POP1: variants seen among roughly 807,000 people sequenced by gnomAD.
POP1 encodes the protein ribonucleases P/MRP protein subunit POP1.
A neutral mutation model predicts 102.2 loss-of-function variants in POP1; 75 were observed. The ratio of observed to expected loss-of-function variants is 0.73; its 90% CI spans 0.61 to 0.89. The LOEUF (loss-of-function observed/expected upper bound fraction) is 0.89, where lower values mean the gene tolerates loss of function less well. Ranked by LOEUF, POP1 falls within the 40% of genes least tolerant of loss-of-function variation. The pLI, the probability that POP1 is intolerant of heterozygous loss-of-function variation, is 0.00. For synonymous variants in POP1, 436 were observed against 464.1 expected, an observed-to-expected ratio of 0.94 and a Z score of 0.78; for missense variants, 1,116 against 1,267.4, an observed-to-expected ratio of 0.88 and a Z score of 1.81.
Position 98,148,918 on chromosome 8 carries a change from A to G in POP1, c.1814A>G (p.Lys605Arg), listed in dbSNP as rs1407631648. Residue 605 changes from lysine (K) to arginine (R), a missense_variant, in exon 13 of 16, where the codon AAA becomes AGA. Coordinates refer to ENST00000401707, the MANE Select transcript of POP1 (RefSeq NM_001145860.2). ...ATACTTTTGATTCAGCAGCCAGGAA[A>G]AGTGACTGGTGAAGATCGACTAGGC... ...IPILLIQQPG[K>R]VTGEDRLGWG... 1.2e-6 allele frequency: 2 copies of G among 1,613,998 alleles called. No homozygotes were observed. The highest frequency in any genetic ancestry group is 8.5e-7 in the Non-Finnish European group (1 of 1,179,926).
chr8:98,118,570 T>G (rs1815916661), intron 1 of POP1, among the ~76,000 whole-genome samples: 2 of 152,074 alleles, frequency 1.3e-5, no homozygotes, highest in Admixed American at 1.3e-4. Context: ...GGATTACAAG[T>G]GCACACCAGC....
Position 98,140,806 on chromosome 8 carries a change from T to C in POP1, c.1512T>C (p.Ile504=). ...CAGCAGAAATTCCGGCAGGTACTAT[T>C]CTGGGACTGACAGTTGGGGATCCTC... ...TSPAEIPAGT[I]LGLTVGDPRI... is the part of the protein sequence containing the mutation. Residue 504 remains isoleucine, a synonymous_variant, in exon 11 of 16, where the codon ATT becomes ATC. Transcript: ENST00000401707. 5 of 1,614,048 alleles carry C rather than the reference T, an allele frequency of 3.1e-6. No individual in the cohort carries two copies. Among genetic ancestry groups the C allele is most frequent in the Non-Finnish European group, 4.2e-6 (5 of 1,179,896 alleles).
chr8:98,123,593 A>C, intron 2 of POP1, 114 bp downstream of exon 2: 1 of 876,092 alleles, frequency 1.1e-6, no homozygotes, highest in Non-Finnish European at 1.8e-6. Flanking sequence ...CCTGGCCAAC[A>C]TGGTGAAACC....
At chr8:98,131,867 A>G (rs975169676) in intron 5 of POP1, among the ~76,000 whole-genome samples, 8 of 152,208 alleles carry the variant, frequency 5.3e-5, no homozygotes, top group Admixed American at 3.3e-4. Flanking sequence ...AGAACTCAGC[A>G]GCAGAAATCA....
rs148240266 is a variant in POP1 at position 98,140,866 on chromosome 8, G to C, written c.1572G>C (p.Leu524Phe). Residue 524 changes from leucine to phenylalanine, a missense_variant, in exon 11 of 16, where the codon TTG becomes TTC. By Grantham distance (22) the Leu-to-Phe change is conservative. Coordinates refer to ENST00000401707, the MANE Select transcript of POP1 (RefSeq NM_001145860.2). ...INLPQKKSKA[L>F]PNPEKCQDNE... ...TGCCCCAAAAGAAGTCCAAAGCTTT[G>C]CCCAATCCAGAAAAATGCCAAGGTA... 4.3e-5 allele frequency: 69 copies of C among 1,614,010 alleles called. No individual in the cohort carries two copies. In the African/African-American group the frequency reaches 6.1e-4, roughly 14 times the overall value.
Position 98,153,080 on chromosome 8 carries a change from C to T in POP1, c.2057+2441C>T, listed in dbSNP as rs28706207. Among the ~76,000 whole-genome samples, 1,024 of 152,192 alleles carry T rather than the reference C, an allele frequency of 6.7e-3. 13 individuals are homozygous for T. Among genetic ancestry groups the T allele is most frequent in the African/African-American group, 0.023 (964 of 41,520 alleles). Reference sequence around the variant, plus strand: ...CAACTCGTGGGCTCAAGCAATCCTCCCATCTCAGCTTCCTGAGTAGCTGGG... The same window carrying T: ...CAACTCGTGGGCTCAAGCAATCCTCTCATCTCAGCTTCCTGAGTAGCTGGG... On this transcript the variant is annotated intron_variant, in intron 14 of 15. Coordinates refer to ENST00000401707, the MANE Select transcript of POP1 (RefSeq NM_001145860.2).
Position 98,157,803 on chromosome 8 carries a change from C to G in POP1, c.2607C>G (p.Pro869=), listed in dbSNP as rs772916913. Residue 869 remains proline, a synonymous_variant, in exon 16 of 16, where the codon CCC becomes CCG. Transcript: ENST00000401707. The part of the protein sequence containing the change: ...VSLSLLSKGS[P]EPHTMICVPA... ...TGTCCCTGCTCAGCAAGGGCAGCCC[C>G]GAGCCTCACACCATGATCTGTGTCC... The G allele has an allele frequency of 2.5e-6, 4 of 1,614,084 alleles. No individual in the cohort carries two copies. The African/African-American group carries it at 5.3e-5, about 22-fold the overall frequency.
At chr8:98,119,433 A>G (rs1401139324) in intron 1 of POP1, among the ~76,000 whole-genome samples, 2 of 152,366 alleles carry the variant, frequency 1.3e-5, no homozygotes, top group Non-Finnish European at 2.9e-5. Flanking sequence ...GCCAGAGGAT[A>G]CTAAGCTGTA....
intron 9 of POP1, 137 bp from the exon 10 acceptor site, chr8:98,139,941 A>G (rs566956428): frequency 7.0e-5 from 51 of 733,580 alleles, no homozygotes; most frequent in Middle Eastern, 2.3e-4. Flanking sequence ...TATAGTGGCA[A>G]CTTCCCTGGT....
At chr8:98,150,912 C>T (rs1460540655) in intron 14 of POP1, among the ~76,000 whole-genome samples, 1 of 152,200 alleles carries the variant, frequency 6.6e-6, no homozygotes, top group African/African-American at 2.4e-5. Context: ...ACATGAGTCT[C>T]AGACACTTGT....
intron 1 of POP1, among the ~76,000 whole-genome samples, chr8:98,120,179 C>T (rs1390520795): frequency 6.6e-6 from 1 of 152,206 alleles, no homozygotes; most frequent in Non-Finnish European, 1.5e-5. Context: ...GCTTTTAATG[C>T]AGACCGATCT....
intron 4 of POP1, among the ~76,000 whole-genome samples, chr8:98,129,596 A>C (rs1816316664): frequency 6.6e-6 from 1 of 152,174 alleles, no homozygotes; most frequent in African/African-American, 2.4e-5. Context: ...TTTAGTTACA[A>C]TTCTACAGGT....
Position 98,123,467 on chromosome 8 carries a change from G to C in POP1, c.130G>C (p.Ala44Pro), listed in dbSNP as rs201751827. The change falls in exon 2 of 16, where the codon GCT (alanine) becomes CCT (proline). Residue 44 changes from alanine (A) to proline (P), a missense_variant. By Grantham distance (27) the Ala-to-Pro change is conservative. Transcript: ENST00000401707. ...HHSGGEKPFQ[A>P]QKQEPHPGTS... Reference sequence around the variant, plus strand: ...CAGTGGAGGTGAAAAACCTTTCCAAGCTCAAAAACAAGGTAAAATACACAT... The same window carrying C: ...CAGTGGAGGTGAAAAACCTTTCCAACCTCAAAAACAAGGTAAAATACACAT... 8.7e-6 allele frequency: 14 copies of C among 1,613,734 alleles called. No homozygotes were observed. In the African/African-American group the frequency reaches 1.7e-4, roughly 20 times the overall value.
rs1203271151 is a variant in POP1, at chr8:98,156,251, T to G, written c.2259T>G (p.His753Gln). 3.1e-6 allele frequency: 5 copies of G among 1,614,098 alleles called. No individual in the cohort carries two copies. The highest frequency in any genetic ancestry group is 4.2e-6 in the Non-Finnish European group (5 of 1,180,014). The change falls in exon 15 of 16, where the codon CAT becomes CAG. Residue 753 changes from histidine (H) to glutamine (Q), a missense_variant. Physicochemically the swap from His to Gln is conservative, Grantham distance 24. Transcript: ENST00000401707. ...GTGCTCCCATGCCTAAAAAAACTCA[T>G]CAGCCATCTGATGAAGTGGGCACAT... is the stretch of plus-strand genomic sequence containing the variant. ...VPCAPMPKKT[H>Q]QPSDEVGTSI...
At chr8:98,144,940 T>C (rs1816804055) in intron 11 of POP1, among the ~76,000 whole-genome samples, 1 of 152,040 alleles carries the variant, frequency 6.6e-6, no homozygotes, top group African/African-American at 2.4e-5. Flanking sequence ...CAGGCTGGAG[T>C]GGAGTGGCGC....
intron 9 of POP1, among the ~76,000 whole-genome samples, chr8:98,139,744 G>A (rs1213170864): frequency 6.6e-6 from 1 of 152,024 alleles, no homozygotes; most frequent in Non-Finnish European, 1.5e-5. Context: ...AAAAAAGAGA[G>A]AGGAGCGAGG....
chr8:98,144,693 T>C (rs568442753), intron 11 of POP1, among the ~76,000 whole-genome samples: 1 of 152,278 alleles, frequency 6.6e-6, no homozygotes, highest in African/African-American at 2.4e-5. Flanking sequence ...ATCCCAATCA[T>C]GTTCCCGAAA....
intron 14 of POP1, among the ~76,000 whole-genome samples, chr8:98,154,279 G>A: frequency 6.6e-6 from 1 of 152,220 alleles, no homozygotes; most frequent in East Asian, 1.9e-4. Context: ...TGGAGAGTTG[G>A]CTGCGCCCAG....
In POP1 at chr8:98,136,474, A is replaced by AT; in HGVS notation, c.1012-3dup. 6.2e-7 allele frequency: 1 copy of AT among 1,602,204 alleles called. No homozygotes were observed. Among genetic ancestry groups the AT allele is most frequent in the East Asian group, 2.2e-5 (1 of 44,840 alleles). ...GATTTTAAAGTGAATGTTTAAATATATTTTTAGGATATCTTAGAGGAAATA... is the reference window on the plus strand; with the variant it reads ...GATTTTAAAGTGAATGTTTAAATATATTTTTTAGGATATCTTAGAGGAAATA... On this transcript the variant is annotated splice_polypyrimidine_tract_variant and splice_region_variant and intron_variant, in intron 7 of 15. Transcript: ENST00000401707.
Sources: gnomAD v4.1 joint callset for allele counts (sites outside exome capture counted in the v4.1 genomes callset) on GRCh38, gnomAD v4.1.1 for gene constraint, MANE v1.5 for transcripts, NCBI Gene and HGNC (gene_info 2026-07-23, HGNC 2026-07-21) for gene names.